Variants in TRERF1 observed in about 807,000 individuals in gnomAD.
TRERF1 encodes transcriptional-regulating factor 1.
In TRERF1, 27 loss-of-function variants were observed where a neutral mutation model predicts 122.9. The observed-to-expected ratio is 0.22, with a 90% CI of 0.16 to 0.30. The LOEUF (loss-of-function observed/expected upper bound fraction) is 0.30. Ranked by LOEUF, TRERF1 falls within the 10% of genes least tolerant of loss-of-function variation. The pLI is 1.00. For synonymous variants in TRERF1, 636 were observed against 641.7 expected (o/e 0.99, Z 0.13); for missense variants, 1,248 against 1,560.3 (o/e 0.80, Z 3.37).
chr6:42,255,017 C>T, intron 12 of TRERF1, 91 bp from the exon 13 acceptor site: 1 of 1,350,652 alleles, frequency 7.4e-7, no homozygotes, highest in Non-Finnish European at 1.1e-6. Context: ...AAGCGGTTAG[C>T]ACTGTGGAGG....
chr6:42,438,864 G>A (rs1431467562), intron 2 of TRERF1, among the ~76,000 whole-genome samples: 2 of 152,146 alleles, frequency 1.3e-5, no homozygotes, highest in East Asian at 3.9e-4. Flanking sequence ...AGATATGGGA[G>A]GACACAGCAT....
intron 8 of TRERF1, among the ~76,000 whole-genome samples, chr6:42,262,962 C>G (rs891212927): frequency 1.3e-5 from 2 of 152,220 alleles, no homozygotes; most frequent in Non-Finnish European, 2.9e-5. Flanking sequence ...GGATACAGGA[C>G]TTCCATATTT....
chr6:42,421,336 C>A (rs963179795), intron 2 of TRERF1, among the ~76,000 whole-genome samples: 1 of 152,234 alleles, frequency 6.6e-6, no homozygotes, highest in Non-Finnish European at 1.5e-5. Context: ...TGACCCAGCA[C>A]ATAAAATATC....
At chr6:42,309,117 C>G (rs747491960) in intron 3 of TRERF1, among the ~76,000 whole-genome samples, 36 of 152,120 alleles carry the variant, frequency 2.4e-4, no homozygotes, top group Non-Finnish European at 5.1e-4. Context: ...AAAGAACAAC[C>G]TGGGTGACTC....
rs117925884 is a variant in TRERF1 at position 42,393,443 on chromosome 6, G to C, written c.-453-30364C>G. Among the ~76,000 whole-genome samples the C allele has an allele frequency of 2.6e-5, 4 of 152,318 alleles. No individual in the cohort carries two copies. In the East Asian group the frequency reaches 7.7e-4, roughly 29 times the overall value. On this transcript the variant is annotated intron_variant, in intron 2 of 17. Coordinates refer to ENST00000372922, the Ensembl canonical transcript of TRERF1. This position sits in a 1 kb window ranked among gnomAD's most constrained non-coding sequence, Gnocchi z 4.1. Reference sequence around the variant, plus strand: ...CTTCTCAGAGAAGTGGTTGAAGGACGATGAGAAGTAAGTAAAGGTCAGAAC... The same window carrying C: ...CTTCTCAGAGAAGTGGTTGAAGGACCATGAGAAGTAAGTAAAGGTCAGAAC...
chr6:42,420,976 C>T (rs1260558375), intron 2 of TRERF1, among the ~76,000 whole-genome samples: 2 of 152,248 alleles, frequency 1.3e-5, no homozygotes, highest in African/African-American at 2.4e-5. Context: ...GCTCCATCCA[C>T]GGTTCTTCCT....
chr6:42,358,747 A>T (rs1771088922), intron 3 of TRERF1, among the ~76,000 whole-genome samples: 2 of 152,052 alleles, frequency 1.3e-5, no homozygotes, highest in Admixed American at 6.5e-5. Flanking sequence ...TTGGCAAAAT[A>T]AAAAAGACTG....
At chr6:42,413,638 C>T (rs939293408) in intron 2 of TRERF1, among the ~76,000 whole-genome samples, 1 of 151,952 alleles carries the variant, frequency 6.6e-6, no homozygotes, top group African/African-American at 2.4e-5. Context: ...CCATGTTGGC[C>T]AGGATGGTCT....
At chr6:42,296,764 G>A (rs1785177892) in intron 4 of TRERF1, among the ~76,000 whole-genome samples, 2 of 152,174 alleles carry the variant, frequency 1.3e-5, no homozygotes, top group Admixed American at 1.3e-4. Flanking sequence ...AGGTGAGAAG[G>A]AGAGAGTAGC....
Position 42,263,161 on chromosome 6 carries a change from T to C in TRERF1, c.1884+159A>G. The C allele has an allele frequency of 7.1e-7, 1 of 1,401,320 alleles. No individual in the cohort carries two copies. Among genetic ancestry groups the C allele is most frequent in the Non-Finnish European group, 9.3e-7 (1 of 1,078,256 alleles). 86.8% of individuals were successfully genotyped at this position (1,401,320 alleles called of 1,614,324 possible). On this transcript the variant is annotated intron_variant, in intron 8 of 17. Coordinates refer to ENST00000372922, the Ensembl canonical transcript of TRERF1. The surrounding 1 kb of genome is among the most constrained non-coding windows in gnomAD (Gnocchi z 5.6). ...GGTTCAGCCCTGAGAGACCAAGCCG[T>C]ATCCAAGCTCAGGTCAGTGACTCTG... is the stretch of plus-strand genomic sequence containing the variant.
intron 3 of TRERF1, among the ~76,000 whole-genome samples, chr6:42,316,649 GT>G (rs1281591201): frequency 6.6e-6 from 1 of 152,280 alleles, no homozygotes; most frequent in African/African-American, 2.4e-5. Flanking sequence ...TTAGTTTATT[GT>G]TTTAACTTTG....
intron 3 of TRERF1, among the ~76,000 whole-genome samples, chr6:42,315,279 A>C (rs1267304188): frequency 6.6e-6 from 1 of 152,240 alleles, no homozygotes; most frequent in Non-Finnish European, 1.5e-5. Flanking sequence ...TGTGCAGGAC[A>C]GTCCCTTTCA....
At chr6:42,256,130 T>TAA (rs11376682) in intron 12 of TRERF1, among the ~76,000 whole-genome samples, 8,904 of 112,460 alleles carry the variant, frequency 0.079, 411 homozygotes, top group East Asian at 0.091. Context: ...GACTCCATCT[T>TAA]AAAAAAAAAA....
intron 3 of TRERF1, among the ~76,000 whole-genome samples, chr6:42,301,210 GTTGTTTTGTT>G (rs113733458): frequency 0.13 from 19,284 of 151,820 alleles, 1,526 homozygotes; most frequent in African/African-American, 0.22. Flanking sequence ...TGAAGAACCA[GTTGTTTTGTT>G]TTGTTTTGTT....
intron 16 of TRERF1, among the ~76,000 whole-genome samples, chr6:42,233,479 G>A (rs1562105019): frequency 6.6e-6 from 1 of 151,826 alleles, no homozygotes; most frequent in East Asian, 1.9e-4. Context: ...TAGAGACAGG[G>A]TTTCACCGTG....
chr6:42,263,631 T>C lies in TRERF1; in HGVS notation c.1636-63A>G, dbSNP rs1330653116. On this transcript the variant is annotated intron_variant, in intron 7 of 17. Transcript: ENST00000372922. This position sits in a 1 kb window ranked among gnomAD's most constrained non-coding sequence, Gnocchi z 5.6. ...GCAGCTCTCACAAGGGGGATGCACT[T>C]TGCTTTTCCCGAAAGGTTCCAGGAC... The C allele has an allele frequency of 2.1e-6, 3 of 1,409,898 alleles. No individual in the cohort carries two copies. The highest frequency in any genetic ancestry group is 2.8e-6 in the Non-Finnish European group (3 of 1,075,918). 87.3% of individuals were successfully genotyped at this position (1,409,898 alleles called of 1,614,324 possible).
intron 2 of TRERF1, among the ~76,000 whole-genome samples, chr6:42,448,411 G>A (rs568509064): frequency 6.6e-6 from 1 of 152,288 alleles, no homozygotes; most frequent in African/African-American, 2.4e-5. Context: ...CAAGACACTG[G>A]CAGACATTTA....
At chr6:42,398,030 T>C (rs1778873552) in intron 2 of TRERF1, among the ~76,000 whole-genome samples, 1 of 152,210 alleles carries the variant, frequency 6.6e-6, no homozygotes, top group Non-Finnish European at 1.5e-5. Flanking sequence ...TATATTATTA[T>C]TTGGGAATGA....
chr6:42,271,161 T>G (rs9369356), intron 4 of TRERF1, among the ~76,000 whole-genome samples: 10,693 of 148,274 alleles, frequency 0.072, 701 homozygotes, highest in African/African-American at 0.17. Flanking sequence ...CTCCAGGCTC[T>G]GTGACAAGAG....
Sources: allele counts gnomAD v4.1 joint callset (sites outside exome capture counted in the v4.1 genomes callset), GRCh38; gene constraint gnomAD v4.1.1; non-coding constraint Gnocchi (gnomAD v3.1); transcripts MANE v1.5; gene names NCBI Gene and HGNC (gene_info 2026-07-23, HGNC 2026-07-21).